The following TSPAN9 variants were observed in gnomAD, a reference collection of about 807,000 sequenced individuals.
TSPAN9 encodes tetraspanin 9.
In TSPAN9, 16 loss-of-function variants were observed where a neutral mutation model predicts 31.0. The ratio of observed to expected loss-of-function variants is 0.52; its 90% CI spans 0.35 to 0.78. TSPAN9 has a LOEUF of 0.78. Ranked by LOEUF, TSPAN9 falls within the 30% of genes least tolerant of loss-of-function variation. The probability of loss-of-function intolerance (pLI) is 0.01; values close to 1 mark genes in which losing one functional copy is unlikely to be tolerated. For synonymous variants in TSPAN9, 145 were observed against 121.6 expected (o/e 1.19, Z -1.27); for missense variants, 272 against 312.5 (o/e 0.87, Z 0.98).
intron 3 of TSPAN9, among the ~76,000 whole-genome samples, chr12:3,261,865 G>A (rs985551446): frequency 4.6e-5 from 7 of 152,200 alleles, no homozygotes; most frequent in South Asian, 2.1e-4. Context: ...GGCACCTGAC[G>A]CAGCCTTGCC....
intron 2 of TSPAN9, among the ~76,000 whole-genome samples, chr12:3,088,474 G>A (rs2098301965): frequency 6.6e-6 from 1 of 152,198 alleles, no homozygotes. Flanking sequence ...TCCAGGCCTG[G>A]CTGTCACCCA....
chr12:3,091,167 C>G (rs2153963211), intron 2 of TSPAN9, among the ~76,000 whole-genome samples: 1 of 152,328 alleles, frequency 6.6e-6, no homozygotes, highest in Non-Finnish European at 1.5e-5. Flanking sequence ...TCCGGCCTTC[C>G]AGGCCCAGGC....
chr12:3,173,273 CCACCCGCTA>C (rs2098353111), intron 2 of TSPAN9: 1 of 152,382 alleles, frequency 6.6e-6, no homozygotes, highest in Admixed American at 6.5e-5. Flanking sequence ...AGCTGTATGA[CCACCCGCTA>C]GACTCTTCTT....
At chr12:3,115,507 C>A (rs74057555) in intron 2 of TSPAN9, among the ~76,000 whole-genome samples, 3,400 of 152,306 alleles carry the variant, frequency 0.022, 114 homozygotes, top group African/African-American at 0.078. Context: ...GTCCCACAGA[C>A]TGGGTGGCTT....
At chr12:3,243,306 G>A (rs191319798) in intron 3 of TSPAN9, among the ~76,000 whole-genome samples, 18 of 152,236 alleles carry the variant, frequency 1.2e-4, no homozygotes, top group African/African-American at 3.6e-4. Context: ...CTCATGGGCC[G>A]GGCACGGAGC....
At chr12:3,154,693 C>CT (rs1192332807) in intron 2 of TSPAN9, among the ~76,000 whole-genome samples, 19 of 152,366 alleles carry the variant, frequency 1.2e-4, no homozygotes, top group Admixed American at 9.8e-4. Context: ...AAAAGAGGAG[C>CT]TAGTGCTTAA....
chr12:3,196,560 C>T (rs1264615759), intron 2 of TSPAN9, among the ~76,000 whole-genome samples: 2 of 152,162 alleles, frequency 1.3e-5, no homozygotes, highest in African/African-American at 4.8e-5. Context: ...GAGTGAGTTA[C>T]TTTGTGGGAA....
intron 3 of TSPAN9, among the ~76,000 whole-genome samples, chr12:3,235,114 C>T (rs943589229): frequency 1.7e-4 from 18 of 108,400 alleles, no homozygotes; most frequent in African/African-American, 5.0e-4. Flanking sequence ...TTGCAGTGAG[C>T]GGAGCTTGCA....
intron 3 of TSPAN9, chr12:3,211,751 C>A: frequency 6.3e-7 from 1 of 1,597,708 alleles, no homozygotes; most frequent in Non-Finnish European, 8.5e-7. Context: ...GCAGCCAACA[C>A]ACAAAACTAC....
At chr12:3,224,884 G>C (rs3782819) in intron 3 of TSPAN9, among the ~76,000 whole-genome samples, 8,970 of 152,242 alleles carry the variant, frequency 0.059, 348 homozygotes, top group Non-Finnish European at 0.077. Flanking sequence ...GTGGGGGGCT[G>C]CTGCAGGGAA....
intron 2 of TSPAN9, among the ~76,000 whole-genome samples, chr12:3,144,629 C>T (rs561763932): frequency 6.6e-6 from 1 of 152,340 alleles, no homozygotes; most frequent in African/African-American, 2.4e-5. Flanking sequence ...ACTGTTGAAG[C>T]CTCCCAGCTC....
chr12:3,146,608 C>A (rs556461347), intron 2 of TSPAN9, among the ~76,000 whole-genome samples: 17 of 152,290 alleles, frequency 1.1e-4, no homozygotes, highest in Admixed American at 2.6e-4. Flanking sequence ...TGCCTCTGTG[C>A]GCTCTGCTCT....
At chr12:3,253,426 G>A (rs918715233) in intron 3 of TSPAN9, among the ~76,000 whole-genome samples, 1 of 152,158 alleles carries the variant, frequency 6.6e-6, no homozygotes. Flanking sequence ...TCTGGGCCTC[G>A]TTTCTCATCT....
intron 2 of TSPAN9, chr12:3,171,946 A>T (rs931973894): frequency 1.3e-5 from 2 of 152,022 alleles, no homozygotes; most frequent in Admixed American, 6.6e-5. Flanking sequence ...ATTTCCATGG[A>T]GGGTCGAAAC....
At chr12:3,089,174 G>A (rs1219679967) in intron 2 of TSPAN9, among the ~76,000 whole-genome samples, 4 of 150,612 alleles carry the variant, frequency 2.7e-5, no homozygotes, top group African/African-American at 9.8e-5. Flanking sequence ...GGAGCTTGCA[G>A]TGAGCTGAGA....
At chr12:3,174,645 C>T (rs188586095) in intron 2 of TSPAN9, among the ~76,000 whole-genome samples, 3,075 of 152,174 alleles carry the variant, frequency 0.02, 97 homozygotes, top group African/African-American at 0.069. Flanking sequence ...GGCAGTGGCG[C>T]GATCTCCGCT....
At chr12:3,254,703 G>A (rs543544487) in intron 3 of TSPAN9, among the ~76,000 whole-genome samples, 23 of 152,242 alleles carry the variant, frequency 1.5e-4, no homozygotes, top group African/African-American at 4.3e-4. Context: ...TAGTAAACCC[G>A]CTTAACATAT....
At chr12:3,269,149 T>TGCCCTCTGTGTGTTCCTGCAGCC (rs1565639936) in intron 3 of TSPAN9, among the ~76,000 whole-genome samples, 1 of 33,308 alleles carries the variant, frequency 3.0e-5, no homozygotes, top group Non-Finnish European at 6.5e-5. Flanking sequence ...TTCCTGCAGC[T>TGCCCTCTGTGTGTTCCTGCAGCC]TGCCCTCTGT....
chr12:3,153,985 A>G lies in TSPAN9; in HGVS notation c.-17-47192A>G, dbSNP rs558769449. ...TAAATAGTAGAAACTGCACTAATAC[A>G]TTAATATATTAGTATTATATATATA... On this transcript the variant is annotated intron_variant, in intron 2 of 8. Transcript: ENST00000011898. Among the ~76,000 whole-genome samples the G allele has an allele frequency of 2.8e-5, 4 of 141,998 alleles. No individual in the cohort carries two copies. The South Asian group carries it at 9.7e-4, about 35-fold the overall frequency. 93.2% of individuals were successfully genotyped at this position (141,998 alleles called of 152,430 possible).
Sources: allele counts gnomAD v4.1 joint callset (sites outside exome capture counted in the v4.1 genomes callset), GRCh38; gene constraint gnomAD v4.1.1; transcripts MANE v1.5; gene names NCBI Gene and HGNC (gene_info 2026-07-23, HGNC 2026-07-21).